Variants in SMC1B observed in about 807,000 individuals in gnomAD.
The protein encoded by SMC1B is structural maintenance of chromosomes protein 1B.
A neutral mutation model predicts 157.9 loss-of-function variants in SMC1B; 60 were observed. The ratio of observed to expected loss-of-function variants is 0.38; its 90% CI spans 0.31 to 0.47. The LOEUF (loss-of-function observed/expected upper bound fraction) is 0.47. Ranked by LOEUF, SMC1B falls within the 20% of genes least tolerant of loss-of-function variation. The pLI is 0.99. For missense variants in SMC1B, 1,165 were observed against 1,426.2 expected (o/e 0.82, Z 2.95); for synonymous variants, 445 against 483.0 (o/e 0.92, Z 1.03).
intron 19 of SMC1B, 77 bp downstream of exon 19, chr22:45,358,620 T>C: frequency 1.1e-6 from 1 of 893,998 alleles, no homozygotes; most frequent in Non-Finnish European, 1.7e-6. Flanking sequence ...CTTAATTCTA[T>C]CATCCAAAAA....
rs552545546 is a variant in SMC1B, at chr22:45,400,886, C to T, written c.854+1447G>A. On this transcript the variant is annotated intron_variant, in intron 5 of 24. Coordinates refer to ENST00000357450, the MANE Select transcript of SMC1B (RefSeq NM_148674.5). ...TGGGCTTCCTCCCCACAGTCTGTAT[C>T]TTCAGTCTAATTATGTGAAAACCAT... Among the ~76,000 whole-genome samples, 8 of 152,264 alleles carry T rather than the reference C, an allele frequency of 5.3e-5. No individual in the cohort carries two copies. The East Asian group carries it at 1.5e-3, about 29-fold the overall frequency.
intron 5 of SMC1B, among the ~76,000 whole-genome samples, chr22:45,401,795 CCTT>C (rs2087197448): frequency 6.6e-6 from 1 of 152,196 alleles, no homozygotes; most frequent in African/African-American, 2.4e-5. Flanking sequence ...TAACCTCACT[CCTT>C]GTGTGTCTGC....
intron 22 of SMC1B, among the ~76,000 whole-genome samples, chr22:45,350,865 C>T (rs764510161): frequency 2.6e-5 from 4 of 152,160 alleles, no homozygotes; most frequent in African/African-American, 7.2e-5. Flanking sequence ...TCACCATCGC[C>T]GTCTTTCACC....
At chr22:45,388,588 T>C (rs1301679587) in intron 10 of SMC1B, among the ~76,000 whole-genome samples, 2 of 152,210 alleles carry the variant, frequency 1.3e-5, no homozygotes, top group Non-Finnish European at 2.9e-5. Flanking sequence ...GCAGGTCCTA[T>C]GCCAGGTGCT....
chr22:45,401,854 C>T (rs1248034882), intron 5 of SMC1B, among the ~76,000 whole-genome samples: 2 of 151,358 alleles, frequency 1.3e-5, no homozygotes, highest in Non-Finnish European at 2.9e-5. Flanking sequence ...GGGTATTACC[C>T]CAAACACCAC....
chr22:45,345,558 G>A lies in SMC1B; in HGVS notation c.3507C>T (p.Tyr1169=), dbSNP rs2086542470. The A allele has an allele frequency of 1.9e-6, 3 of 1,603,040 alleles. No individual in the cohort carries two copies. Among genetic ancestry groups the A allele is most frequent in the African/African-American group, 1.3e-5 (1 of 74,648 alleles). The change falls in exon 24 of 25, where the codon TAC becomes TAT. Residue 1169 remains tyrosine (Y), a synonymous_variant. Transcript: ENST00000357450. The stretch of plus-strand genomic sequence containing the variant: ...ACTGGTCTTGAGTTTGCTCTTTGAT[G>A]TAACTTGACACCTGGAAGAAATAAA... ...DNTNIGKVSS[Y]IKEQTQDQFQ...
rs117457794 is a variant in SMC1B at position 45,402,506 on chromosome 22, T to C, written c.681A>G (p.Gln227=). 1,308 of 1,613,972 alleles carry C rather than the reference T, an allele frequency of 8.1e-4. 21 individuals are homozygous for C. In the East Asian group the frequency reaches 0.027, roughly 33 times the overall value. ...GAATCTTTTTCTCATTATGGTATAG[T>C]TGAAAAAGCTGCAGTTGTATCTTGT... ...KMNKIQLQLF[Q]LYHNEKKIHL... is the part of the protein sequence containing the mutation. Residue 227 remains glutamine (Q), a synonymous_variant, in exon 5 of 25, where the codon CAA becomes CAG. Coordinates refer to ENST00000357450, the MANE Select transcript of SMC1B (RefSeq NM_148674.5).
At chr22:45,369,055 C>G (rs142925477) in intron 15 of SMC1B, among the ~76,000 whole-genome samples, 2 of 151,448 alleles carry the variant, frequency 1.3e-5, no homozygotes, top group Admixed American at 1.3e-4. Flanking sequence ...CACTTACTAT[C>G]TACATATATG....
intron 19 of SMC1B, 61 bp downstream of exon 19, chr22:45,358,636 C>T: frequency 7.9e-6 from 8 of 1,007,704 alleles, no homozygotes; most frequent in South Asian, 1.6e-5. Flanking sequence ...AAAAATGATT[C>T]GGTAAGATTT....
intron 12 of SMC1B, among the ~76,000 whole-genome samples, chr22:45,377,451 G>T (rs1459410062): frequency 6.6e-6 from 1 of 151,628 alleles, no homozygotes. Context: ...AGCCTGGCCA[G>T]CATGGTGAAA....
Position 45,387,028 on chromosome 22 carries a change from T to C in SMC1B, c.1750A>G (p.Arg584Gly), listed in dbSNP as rs377609048. The change falls in exon 11 of 25, where the codon AGA becomes GGA. Residue 584 changes from arginine (R) to glycine (G), a missense_variant. By Grantham distance (125) the Arg-to-Gly change is moderately radical. Transcript: ENST00000357450. ...DYLDIKPINE[R>G]LRELKGCKMV... Reference sequence around the variant, plus strand: ...TTACAGCCTTTAAGCTCCCTTAGTCTTTCATTGATTGGCTTGATCTAAAGG... The same window carrying C: ...TTACAGCCTTTAAGCTCCCTTAGTCCTTCATTGATTGGCTTGATCTAAAGG... 6.2e-7 allele frequency: 1 copy of C among 1,612,916 alleles called. No homozygotes were observed. The highest frequency in any genetic ancestry group is 8.5e-7 in the Non-Finnish European group (1 of 1,179,322).
chr22:45,394,314 C>T (rs767742328), intron 8 of SMC1B, among the ~76,000 whole-genome samples: 62 of 151,800 alleles, frequency 4.1e-4, no homozygotes, highest in Middle Eastern at 3.4e-3. Context: ...GAGAGTGAGA[C>T]CCTGTCTCAA....
chr22:45,354,634 G>A (rs887607076), intron 20 of SMC1B, among the ~76,000 whole-genome samples: 6 of 151,912 alleles, frequency 3.9e-5, no homozygotes, highest in African/African-American at 9.7e-5. Context: ...CAGATGATCC[G>A]CCCACCTCAG....
At chr22:45,373,700 G>A (rs1031819210) in intron 12 of SMC1B, among the ~76,000 whole-genome samples, 9 of 152,328 alleles carry the variant, frequency 5.9e-5, no homozygotes, top group East Asian at 1.9e-4. Context: ...GGTTAGAAGC[G>A]AGGTAGGGTC....
chr22:45,352,209 G>T (rs1355655652), intron 22 of SMC1B, among the ~76,000 whole-genome samples: 1 of 141,890 alleles, frequency 7.0e-6, no homozygotes, highest in Non-Finnish European at 1.6e-5. Context: ...AACATAGTGA[G>T]ACTCTGTCTC....
At chr22:45,402,119 G>A (rs1214358748) in intron 5 of SMC1B, among the ~76,000 whole-genome samples, 1 of 152,118 alleles carries the variant, frequency 6.6e-6, no homozygotes, top group Non-Finnish European at 1.5e-5. Context: ...TCCTTACCTC[G>A]TGATCCACCT....
intron 4 of SMC1B, among the ~76,000 whole-genome samples, chr22:45,405,013 G>T (rs1380350300): frequency 2.6e-5 from 4 of 152,206 alleles, no homozygotes; most frequent in Non-Finnish European, 5.9e-5. Flanking sequence ...AAGGGAGGGG[G>T]TGCTAATTTA....
At chr22:45,396,632 C>G (rs909572489) in intron 6 of SMC1B, 146 bp from the exon 7 acceptor site, 3 of 477,230 alleles carry the variant, frequency 6.3e-6, no homozygotes, top group Non-Finnish European at 6.8e-6. Flanking sequence ...CACCTTCCCC[C>G]GGTAAAATAA....
intron 15 of SMC1B, among the ~76,000 whole-genome samples, chr22:45,368,952 G>A (rs558039254): frequency 1.3e-5 from 2 of 152,272 alleles, no homozygotes; most frequent in Non-Finnish European, 2.9e-5. Context: ...TGGGTAGGAA[G>A]CCTTTTTACT....
Sources: gnomAD v4.1 joint callset for allele counts (sites outside exome capture counted in the v4.1 genomes callset) on GRCh38, gnomAD v4.1.1 for gene constraint, MANE v1.5 for transcripts, NCBI Gene and HGNC (gene_info 2026-07-23, HGNC 2026-07-21) for gene names.